Variants in PROSER2 observed in about 807,000 individuals in gnomAD.
PROSER2 encodes proline and serine rich 2, also known as proline and serine-rich protein 2.
In PROSER2, 18 loss-of-function variants were observed where a neutral mutation model predicts 14.6. The ratio of observed to expected loss-of-function variants is 1.23; its 90% CI spans 0.85 to 1.83. PROSER2 has a LOEUF of 1.83. Ranked by LOEUF, PROSER2 falls within the 40% of genes most tolerant of loss-of-function variation. The probability of loss-of-function intolerance (pLI) is 0.00; values close to 1 mark genes in which losing one functional copy is unlikely to be tolerated. For synonymous variants in PROSER2, 367 were observed against 286.4 expected, an observed-to-expected ratio of 1.28 and a Z score of -2.84; for missense variants, 823 against 629.8, an observed-to-expected ratio of 1.31 and a Z score of -3.28.
chr10:11,858,534 G>A (rs888402787), intron 2 of PROSER2, among the ~76,000 whole-genome samples: 5 of 152,126 alleles, frequency 3.3e-5, no homozygotes, highest in African/African-American at 4.8e-5. Context: ...TTGTTCTGGT[G>A]CATTATAATG....
In PROSER2 at chr10:11,870,062, C is replaced by A. The variant is rs919253966; in HGVS notation, c.964C>A (p.Leu322Met). The A allele has an allele frequency of 6.4e-6, 8 of 1,248,112 alleles. No individual in the cohort carries two copies. In the African/African-American group the frequency reaches 1.3e-4, roughly 20 times the overall value. 77.3% of individuals were successfully genotyped at this position (1,248,112 alleles called of 1,614,324 possible). A position where few individuals can be genotyped will look rare whatever the true frequency, so the allele number is the denominator to read the frequency against. The change falls in exon 4 of 4, where the codon CTG becomes ATG. Residue 322 changes from leucine to methionine, a missense_variant. Coordinates refer to ENST00000277570, the MANE Select transcript of PROSER2 (RefSeq NM_153256.4). ...SPERVARGRG[L>M]PGPAESLRAG... ...GGAGCGGGTGGCGCGTGGCCGGGGC[C>A]TGCCGGGCCCCGCTGAGAGTCTCCG...
At chr10:11,828,106 T>C (rs563500748) in intron 1 of PROSER2, among the ~76,000 whole-genome samples, 149 of 152,218 alleles carry the variant, frequency 9.8e-4, no homozygotes, top group Admixed American at 2.0e-3. Context: ...CAGCCCCCAA[T>C]AGCTGTGTGG....
rs1355792358 is a variant in PROSER2 at position 11,871,711 on chromosome 10, A to C, written c.*1305A>C. 6.6e-6 allele frequency: 1 copy of C among 152,240 alleles called. No homozygotes were observed. Among genetic ancestry groups the C allele is most frequent in the Non-Finnish European group, 1.5e-5 (1 of 68,036 alleles). The allele number at this position is 152,240 out of a possible 1,614,324, so 9.4% of individuals were successfully genotyped here. On this transcript the variant is annotated 3_prime_UTR_variant, in exon 4 of 4. Transcript: ENST00000277570. ...AGGCTGGAGTCTTAGACCTCTAAAA[A>C]TAGACAGGAAGGGCTGCCCTGAGCA... is the stretch of plus-strand genomic sequence containing the variant.
chr10:11,847,949 T>C (rs920626070), intron 1 of PROSER2, among the ~76,000 whole-genome samples: 5 of 152,174 alleles, frequency 3.3e-5, no homozygotes, highest in African/African-American at 1.2e-4. Flanking sequence ...AAATAATCTA[T>C]TGAATAGTTA....
intron 1 of PROSER2, among the ~76,000 whole-genome samples, chr10:11,833,718 C>G (rs1044665514): frequency 2.0e-5 from 3 of 152,054 alleles, no homozygotes; most frequent in Non-Finnish European, 4.4e-5. Flanking sequence ...GCTTTGCCTA[C>G]AAGGAGTTTA....
chr10:11,844,223 C>G lies in PROSER2; in HGVS notation c.-81-7774C>G, dbSNP rs140258362. 3.0e-3 allele frequency among the ~76,000 whole-genome samples: 461 copies of G among 152,212 alleles called. 4 individuals are homozygous for G. Among genetic ancestry groups the G allele is most frequent in the African/African-American group, 0.011 (441 of 41,538 alleles). Reference sequence around the variant, plus strand: ...CCCAGGCTGGTCTTGAACTCCCAACCTCAAGAAATGCTCCCACTCAGCCTC... The same window carrying G: ...CCCAGGCTGGTCTTGAACTCCCAACGTCAAGAAATGCTCCCACTCAGCCTC... On this transcript the variant is annotated intron_variant, in intron 1 of 3. Transcript: ENST00000277570.
chr10:11,869,992 C>G lies in PROSER2; in HGVS notation c.894C>G (p.Ala298=). Residue 298 remains alanine (A), a synonymous_variant, in exon 4 of 4, where the codon GCC becomes GCG. Coordinates refer to ENST00000277570, the MANE Select transcript of PROSER2 (RefSeq NM_153256.4). This position sits in a 1 kb window ranked among gnomAD's most constrained non-coding sequence, Gnocchi z 4.4. ...TIHGHAGAFP[A]AGDAGEGAPG... ...ACGGCCACGCCGGCGCCTTCCCCGCCGCGGGGGACGCCGGCGAGGGGGCCC... is the reference window on the plus strand; with the variant it reads ...ACGGCCACGCCGGCGCCTTCCCCGCGGCGGGGGACGCCGGCGAGGGGGCCC... 1 of 1,267,100 alleles carries G rather than the reference C, an allele frequency of 7.9e-7. No individual in the cohort carries two copies. Among genetic ancestry groups the G allele is most frequent in the South Asian group, 2.8e-5 (1 of 35,542 alleles). 78.5% of individuals were successfully genotyped at this position (1,267,100 alleles called of 1,614,324 possible).
In PROSER2 at chr10:11,830,231, A is replaced by C. The variant is rs936193245; in HGVS notation, c.-82+6761A>C. ...CCGTGTCCATTATTTCACTCTGTGC[A>C]TTTATGTGGACCCATCGTTTAGTTC... On this transcript the variant is annotated intron_variant, in intron 1 of 3. Transcript: ENST00000277570. The surrounding 1 kb of genome is among the most constrained non-coding windows in gnomAD (Gnocchi z 4.5). 6.6e-6 allele frequency among the ~76,000 whole-genome samples: 1 copy of C among 152,032 alleles called. No homozygotes were observed. The highest frequency in any genetic ancestry group is 1.5e-5 in the Non-Finnish European group (1 of 67,978).
chr10:11,825,912 A>G (rs1173330555), intron 1 of PROSER2, among the ~76,000 whole-genome samples: 8 of 152,194 alleles, frequency 5.3e-5, no homozygotes, highest in African/African-American at 1.7e-4. Flanking sequence ...TTACCGCTTT[A>G]AAGTGCACAA....
chr10:11,840,879 T>TGCA (rs1200606940), intron 1 of PROSER2, among the ~76,000 whole-genome samples: 2 of 130,724 alleles, frequency 1.5e-5, no homozygotes, highest in Non-Finnish European at 3.1e-5. Context: ...GAGCGAAGAT[T>TGCA]GCACCATTGC....
chr10:11,857,743 T>TTAAA (rs1554767520), intron 2 of PROSER2, among the ~76,000 whole-genome samples: 1 of 106,556 alleles, frequency 9.4e-6, no homozygotes, highest in African/African-American at 3.7e-5. Flanking sequence ...AGACCCCATC[T>TTAAA]AAAAAAAAAA....
rs1034536812 is a variant in PROSER2, at chr10:11,823,591, C to G, written c.-82+121C>G. On this transcript the variant is annotated intron_variant, in intron 1 of 3. Coordinates refer to ENST00000277570, the MANE Select transcript of PROSER2 (RefSeq NM_153256.4). This position sits in a 1 kb window ranked among gnomAD's most constrained non-coding sequence, Gnocchi z 6.2. ...GTCGGGCAGAGAGGGGGCGCCGGACCCTGCCTTGGCGCGCTCCTCGCTCTG... is the reference window on the plus strand; with the variant it reads ...GTCGGGCAGAGAGGGGGCGCCGGACGCTGCCTTGGCGCGCTCCTCGCTCTG... 6.6e-6 allele frequency: 1 copy of G among 152,172 alleles called. No individual in the cohort carries two copies. Among genetic ancestry groups the G allele is most frequent in the Non-Finnish European group, 1.5e-5 (1 of 68,142 alleles). The allele number at this position is 152,172 out of a possible 1,614,324, so 9.4% of individuals were successfully genotyped here.
At chr10:11,824,658 A>G (rs935969837) in intron 1 of PROSER2, among the ~76,000 whole-genome samples, 3 of 152,206 alleles carry the variant, frequency 2.0e-5, no homozygotes, top group African/African-American at 7.2e-5. Context: ...TTGACAGCGT[A>G]TGTATGGAAT....
Position 11,856,894 on chromosome 10 carries a change from T to C in PROSER2, c.138+4679T>C, listed in dbSNP as rs1433690522. On this transcript the variant is annotated intron_variant, in intron 2 of 3. Coordinates refer to ENST00000277570, the MANE Select transcript of PROSER2 (RefSeq NM_153256.4). This position sits in a 1 kb window ranked among gnomAD's most constrained non-coding sequence, Gnocchi z 5.3. ...GCTCTGTGACTTCAGGAGGGGACAC[T>C]GAACCGGAGGTGCCTTGAGGGAGGA... Among the ~76,000 whole-genome samples, 1 of 152,234 alleles carries C rather than the reference T, an allele frequency of 6.6e-6. No homozygotes were observed. The highest frequency in any genetic ancestry group is 2.4e-5 in the African/African-American group (1 of 41,468).
intron 2 of PROSER2, among the ~76,000 whole-genome samples, chr10:11,855,142 TTTTTG>T (rs1329208814): frequency 2.7e-5 from 4 of 149,540 alleles, no homozygotes; most frequent in Non-Finnish European, 5.9e-5. Context: ...TTATAGAGGT[TTTTTG>T]TTTTTTTTTT....
chr10:11,852,684 ATTTTT>A (rs33939695), intron 2 of PROSER2, among the ~76,000 whole-genome samples: 2 of 98,024 alleles, frequency 2.0e-5, no homozygotes, highest in African/African-American at 4.1e-5. Flanking sequence ...ACACCCGGCT[ATTTTT>A]TTTTTTTTTT....
chr10:11,848,505 T>C (rs185481753), intron 1 of PROSER2, among the ~76,000 whole-genome samples: 1 of 152,286 alleles, frequency 6.6e-6, no homozygotes, highest in Admixed American at 6.5e-5. Flanking sequence ...TTAAGCCAAA[T>C]GTGTGGTGTT....
rs1401594036 is a variant in PROSER2 at position 11,870,497 on chromosome 10, TG to T, written c.*93del. On this transcript the variant is annotated 3_prime_UTR_variant, in exon 4 of 4. Transcript: ENST00000277570. ...CACCCAGGAGCTGTTTGGTCTAAAA[TG>T]GAAGTGACAGCGGGAGCCCCTGCCC... 3.5e-6 allele frequency: 4 copies of T among 1,142,232 alleles called. No homozygotes were observed. Among genetic ancestry groups the T allele is most frequent in the Admixed American group, 8.1e-5 (2 of 24,632 alleles). 70.8% of individuals were successfully genotyped at this position (1,142,232 alleles called of 1,614,324 possible).
In PROSER2 at chr10:11,862,756, C is replaced by T. The variant is rs1834268257; in HGVS notation, c.139-3775C>T. On this transcript the variant is annotated intron_variant, in intron 2 of 3. Transcript: ENST00000277570. This position sits in a 1 kb window ranked among gnomAD's most constrained non-coding sequence, Gnocchi z 4.2. The stretch of plus-strand genomic sequence containing the variant: ...TTTCATTATGTATATGCAAATATTT[C>T]AAAATGTGAAAAAATCCAGAACACT... The T allele has an allele frequency of 6.6e-6, 1 of 152,088 alleles. No homozygotes were observed. The highest frequency in any genetic ancestry group is 1.5e-5 in the Non-Finnish European group (1 of 68,016). The allele number at this position is 152,088 out of a possible 1,614,324, so 9.4% of individuals were successfully genotyped here.
Sources: gnomAD v4.1 joint callset for allele counts (sites outside exome capture counted in the v4.1 genomes callset) on GRCh38, gnomAD v4.1.1 for gene constraint, Gnocchi (gnomAD v3.1) non-coding constraint, MANE v1.5 for transcripts, NCBI Gene and HGNC (gene_info 2026-07-23, HGNC 2026-07-21) for gene names.